Variants in SMIM43 observed in about 807,000 individuals in gnomAD.
SMIM43 encodes small integral membrane protein 43.
chr4:121,764,680 C>T, intron 1 of SMIM43, 137 bp downstream of exon 1: 1 of 382,566 alleles, frequency 2.6e-6, no homozygotes, highest in Admixed American at 4.5e-5. Flanking sequence ...AAGAGCACAG[C>T]GCCAGCCCAG....
In SMIM43 at chr4:121,765,125, G is replaced by T. The variant is rs930820972; in HGVS notation, c.-20C>A. 8 of 396,406 alleles carry T rather than the reference G, an allele frequency of 2.0e-5. No individual in the cohort carries two copies. The highest frequency in any genetic ancestry group is 3.6e-5 in the Non-Finnish European group (8 of 224,490). The allele number at this position is 396,406 out of a possible 1,614,324, so 24.6% of individuals were successfully genotyped here. On this transcript the variant is annotated 5_prime_UTR_variant, in exon 1 of 6. Coordinates refer to ENST00000643802, the MANE Select transcript of SMIM43 (RefSeq NM_001384332.1). The stretch of plus-strand genomic sequence containing the variant: ...CTCCATGCTGGAGGCGCCGGCGCTC[G>T]CTGGCCCTGCGCGCTCGGCGCGGGC...
Position 121,760,442 on chromosome 4 carries a change from T to C in SMIM43, c.*532A>G. ...TTTTCTCTGTGGGCTTCCTCCTTCT[T>C]CTTGTGGGGTGCTGCGGGGACCATC... On this transcript the variant is annotated 3_prime_UTR_variant, in exon 6 of 6. Transcript: ENST00000643802. 6.4e-7 allele frequency: 1 copy of C among 1,554,348 alleles called. No individual in the cohort carries two copies. Among genetic ancestry groups the C allele is most frequent in the Non-Finnish European group, 8.7e-7 (1 of 1,148,304 alleles).
intron 5 of SMIM43, among the ~76,000 whole-genome samples, chr4:121,761,141 TC>T (rs1287824596): frequency 2.0e-5 from 3 of 151,804 alleles, no homozygotes; most frequent in Non-Finnish European, 4.4e-5. Flanking sequence ...AAAAACTACA[TC>T]AAAGATTTAC....
intron 2 of SMIM43, among the ~76,000 whole-genome samples, chr4:121,763,551 A>G (rs2110528026): frequency 6.6e-6 from 1 of 152,216 alleles, no homozygotes; most frequent in East Asian, 1.9e-4. Flanking sequence ...AATTTCCACA[A>G]TCCTCTACTA....
In SMIM43 at chr4:121,761,821, T is replaced by G. The variant is rs767397624; in HGVS notation, c.*341+9A>C. On this transcript the variant is annotated intron_variant, in intron 4 of 5. Coordinates refer to ENST00000643802, the MANE Select transcript of SMIM43 (RefSeq NM_001384332.1). ...TTGCCAAGTAGAACTGCAGATCCAT[T>G]GCACTTACAAGTTTGGAAATTAGTG... The G allele has an allele frequency of 6.2e-7, 1 of 1,613,402 alleles. No individual in the cohort carries two copies. Among genetic ancestry groups the G allele is most frequent in the Non-Finnish European group, 8.5e-7 (1 of 1,179,730 alleles).
Position 121,765,080 on chromosome 4 carries a change from A to G in SMIM43, c.26T>C (p.Leu9Pro). The G allele has an allele frequency of 2.5e-6, 1 of 398,188 alleles. No individual in the cohort carries two copies. Among genetic ancestry groups the G allele is most frequent in the Non-Finnish European group, 4.4e-6 (1 of 225,488 alleles). The allele number at this position is 398,188 out of a possible 1,614,324, so 24.7% of individuals were successfully genotyped here. A position where few individuals can be genotyped will look rare whatever the true frequency, so the allele number is the denominator to read the frequency against. The stretch of plus-strand genomic sequence containing the variant: ...CAGGAAGAAGAAGAGCGCCAGGTAG[A>G]GCAGCAAGTTGAGTTCCCACTCCAT... MEWELNLL[L>P]YLALFFFLLF... Residue 9 changes from leucine to proline, a missense_variant, in exon 1 of 6, where the codon CTC (leucine) becomes CCC (proline). Coordinates refer to ENST00000643802, the MANE Select transcript of SMIM43 (RefSeq NM_001384332.1).
chr4:121,763,418 A>G (rs1251092991), intron 2 of SMIM43, among the ~76,000 whole-genome samples: 1 of 152,130 alleles, frequency 6.6e-6, no homozygotes, highest in Non-Finnish European at 1.5e-5. Context: ...ACTAAACCCA[A>G]ATCTTCCCTT....
Position 121,765,148 on chromosome 4 carries a change from G to A in SMIM43, c.-43C>T, listed in dbSNP as rs1465375988. 2.5e-6 allele frequency: 1 copy of A among 394,896 alleles called. No homozygotes were observed. The highest frequency in any genetic ancestry group is 4.5e-6 in the Non-Finnish European group (1 of 223,606). 24.5% of individuals were successfully genotyped at this position (394,896 alleles called of 1,614,324 possible). A position where few individuals can be genotyped will look rare whatever the true frequency, so the allele number is the denominator to read the frequency against. On this transcript the variant is annotated 5_prime_UTR_variant, in exon 1 of 6. Transcript: ENST00000643802. ...TCGCTGGCCCTGCGCGCTCGGCGCG[G>A]GCTGCAGCTGGAGGGCGAGCGCGCC... is the stretch of plus-strand genomic sequence containing the variant.
At chr4:121,760,553 C>G in intron 5 of SMIM43, 79 bp from the exon 6 acceptor site, 1 of 1,441,312 alleles carries the variant, frequency 6.9e-7, no homozygotes, top group South Asian at 1.5e-5. Flanking sequence ...CCAGCACCAG[C>G]AGCTGCCTGC....
Position 121,765,128 on chromosome 4 carries a change from G to A in SMIM43, c.-23C>T, listed in dbSNP as rs57312551. ...CATGCTGGAGGCGCCGGCGCTCGCT[G>A]GCCCTGCGCGCTCGGCGCGGGCTGC... On this transcript the variant is annotated 5_prime_UTR_variant, in exon 1 of 6. Coordinates refer to ENST00000643802, the MANE Select transcript of SMIM43 (RefSeq NM_001384332.1). 2 of 396,142 alleles carry A rather than the reference G, an allele frequency of 5.0e-6. No individual in the cohort carries two copies. The highest frequency in any genetic ancestry group is 4.5e-6 in the Non-Finnish European group (1 of 224,430). The allele number at this position is 396,142 out of a possible 1,614,324, so 24.5% of individuals were successfully genotyped here. A position where few individuals can be genotyped will look rare whatever the true frequency, so the allele number is the denominator to read the frequency against.
intron 5 of SMIM43, among the ~76,000 whole-genome samples, chr4:121,761,023 T>TC (rs1239190582): frequency 6.6e-6 from 1 of 152,130 alleles, no homozygotes; most frequent in Non-Finnish European, 1.5e-5. Flanking sequence ...TGCTCATGAC[T>TC]CAGATACTTA....
intron 1 of SMIM43, 80 bp downstream of exon 1, chr4:121,764,737 C>T: frequency 2.5e-6 from 1 of 393,620 alleles, no homozygotes; most frequent in Non-Finnish European, 4.5e-6. Flanking sequence ...CTGCGAGCCC[C>T]GGGCCTCCCA....
At chr4:121,761,503 A>G (rs1172634184) in intron 5 of SMIM43, 35 bp downstream of exon 5, 8 of 1,535,574 alleles carry the variant, frequency 5.2e-6, no homozygotes, top group Non-Finnish European at 7.0e-6. Flanking sequence ...TAGAATGTCA[A>G]ACTAAAAATA....
At chr4:121,764,657 A>G in intron 1 of SMIM43, 160 bp downstream of exon 1, 1 of 370,114 alleles carries the variant, frequency 2.7e-6, no homozygotes, top group Admixed American at 4.6e-5. Context: ...GGAACAGCTT[A>G]GGGTCCCTCT....
chr4:121,759,829 A>G lies in SMIM43; in HGVS notation c.*1145T>C, dbSNP rs1392617781. ...ATAGGAATCAAATACACAAACCCAG[A>G]CTCCACCAAAATATAACTGACAGGA... On this transcript the variant is annotated 3_prime_UTR_variant, in exon 6 of 6. Transcript: ENST00000643802. The G allele has an allele frequency of 1.3e-5, 2 of 152,438 alleles. No individual in the cohort carries two copies. Among genetic ancestry groups the G allele is most frequent in the African/African-American group, 4.8e-5 (2 of 41,404 alleles). 9.4% of individuals were successfully genotyped at this position (152,438 alleles called of 1,614,324 possible).
rs1330604830 is a variant in SMIM43 at position 121,761,638 on chromosome 4, C to G, written c.*399G>C. 6.2e-7 allele frequency: 1 copy of G among 1,613,628 alleles called. No homozygotes were observed. The highest frequency in any genetic ancestry group is 8.5e-7 in the Non-Finnish European group (1 of 1,179,800). On this transcript the variant is annotated 3_prime_UTR_variant, in exon 5 of 6. Coordinates refer to ENST00000643802, the MANE Select transcript of SMIM43 (RefSeq NM_001384332.1). ...GCATGGCACACTCTGGGTAAATTTT[C>G]TCTCTTATTCTGTAGAATCGCACCA...
intron 2 of SMIM43, among the ~76,000 whole-genome samples, 173 bp downstream of exon 2, chr4:121,763,591 T>G (rs1419687127): frequency 6.6e-6 from 1 of 151,970 alleles, no homozygotes; most frequent in Non-Finnish European, 1.5e-5. Flanking sequence ...GAGTTAGGAG[T>G]CAGTTTGGCT....
rs1725983387 is a variant in SMIM43 at position 121,760,317 on chromosome 4, T to C, written c.*657A>G. On this transcript the variant is annotated 3_prime_UTR_variant, in exon 6 of 6. Coordinates refer to ENST00000643802, the MANE Select transcript of SMIM43 (RefSeq NM_001384332.1). ...TCTCAGACAATCTTGCAGATAGCAG[T>C]AGCCAATGACACAGTTCTGGCCAAT... 2 of 1,611,344 alleles carry C rather than the reference T, an allele frequency of 1.2e-6. No individual in the cohort carries two copies. The highest frequency in any genetic ancestry group is 1.7e-6 in the Non-Finnish European group (2 of 1,179,318).
Position 121,760,380 on chromosome 4 carries a change from TC to T in SMIM43, c.*593del. 4.4e-6 allele frequency: 7 copies of T among 1,606,850 alleles called. No homozygotes were observed. Among genetic ancestry groups the T allele is most frequent in the Non-Finnish European group, 6.0e-6 (7 of 1,176,074 alleles). Reference sequence around the variant, plus strand: ...AAAGTTATTGGGCTGCTGAGGAAGCTCTTTAAAAGGAAGTGGATTTGAACTG... The same window carrying T: ...AAAGTTATTGGGCTGCTGAGGAAGCTTTTAAAAGGAAGTGGATTTGAACTG... On this transcript the variant is annotated 3_prime_UTR_variant, in exon 6 of 6. Coordinates refer to ENST00000643802, the MANE Select transcript of SMIM43 (RefSeq NM_001384332.1).
Sources: allele counts gnomAD v4.1 joint callset (sites outside exome capture counted in the v4.1 genomes callset), GRCh38; gene constraint gnomAD v4.1.1; transcripts MANE v1.5; gene names NCBI Gene and HGNC (gene_info 2026-07-23, HGNC 2026-07-21).